COL26A1: variants seen among roughly 807,000 people sequenced by gnomAD.
COL26A1 encodes the protein collagen type XXVI alpha 1 chain, also known as collagen alpha-1(XXVI) chain.
In COL26A1, 41 loss-of-function variants were observed where a neutral mutation model predicts 59.3. The ratio of observed to expected loss-of-function variants is 0.69; its 90% CI spans 0.54 to 0.90. COL26A1 has a LOEUF of 0.90. Among genes scored for constraint, COL26A1 ranks in the 40% least tolerant of loss-of-function variants. The pLI, the probability that COL26A1 is intolerant of heterozygous loss-of-function variation, is 0.00. For synonymous variants in COL26A1, 266 were observed against 256.0 expected, an observed-to-expected ratio of 1.04 and a Z score of -0.37; for missense variants, 612 against 602.3, an observed-to-expected ratio of 1.02 and a Z score of -0.17.
chr7:101,454,753 C>T (rs34242776), intron 3 of COL26A1, among the ~76,000 whole-genome samples: 50,339 of 151,994 alleles, frequency 0.33, 9,024 homozygotes, highest in Middle Eastern at 0.41. Flanking sequence ...GCATGAGTTA[C>T]AGTGCTGTTG....
chr7:101,366,578 G>A (rs566322671), intron 1 of COL26A1, among the ~76,000 whole-genome samples: 1 of 136,716 alleles, frequency 7.3e-6, no homozygotes, highest in Non-Finnish European at 1.5e-5. Flanking sequence ...ATAGCTCACT[G>A]CAGCCTCGAC....
intron 1 of COL26A1, among the ~76,000 whole-genome samples, chr7:101,387,766 A>ATTTTTTTTT (rs1443633156): frequency 3.4e-4 from 13 of 38,762 alleles, no homozygotes; most frequent in East Asian, 2.0e-3. Flanking sequence ...ATATATATAT[A>ATTTTTTTTT]TATATATATA....
intron 5 of COL26A1, among the ~76,000 whole-genome samples, chr7:101,541,609 C>G (rs1795619566): frequency 6.6e-6 from 1 of 152,074 alleles, no homozygotes; most frequent in Non-Finnish European, 1.5e-5. Flanking sequence ...CCTCGGCTTC[C>G]CAAAGTGCTG....
chr7:101,470,092 T>C (rs1405638499), intron 3 of COL26A1, among the ~76,000 whole-genome samples: 2 of 151,280 alleles, frequency 1.3e-5, no homozygotes. Context: ...GAGAAATGGA[T>C]TGCCTTTTTT....
chr7:101,407,992 T>C (rs1236839940), intron 1 of COL26A1, among the ~76,000 whole-genome samples: 1 of 152,150 alleles, frequency 6.6e-6, no homozygotes. Context: ...GCCTGTGGGG[T>C]AGCCCTACTC....
chr7:101,514,600 T>C (rs1794990588), intron 3 of COL26A1, among the ~76,000 whole-genome samples: 2 of 152,126 alleles, frequency 1.3e-5, no homozygotes, highest in Non-Finnish European at 2.9e-5. Flanking sequence ...CAGTGCTGTT[T>C]GGGTCTTACC....
At chr7:101,433,908 C>T (rs1792839103) in intron 2 of COL26A1, among the ~76,000 whole-genome samples, 2 of 151,936 alleles carry the variant, frequency 1.3e-5, no homozygotes, top group Admixed American at 6.6e-5. Context: ...ACTACATGGA[C>T]CAGCACATTG....
At position 101,557,500 on chromosome 7, in the gene COL26A1, G is replaced by A; in HGVS notation, c.1296G>A (p.Lys432=). The A allele has an allele frequency of 6.2e-7, 1 of 1,613,134 alleles. No homozygotes were observed. The highest frequency in any genetic ancestry group is 8.5e-7 in the Non-Finnish European group (1 of 1,179,394). ...AALLGPDPGQ[K]SVDQASSRK is the part of the protein sequence containing the mutation. ...TGCTTGGGCCCGACCCTGGACAGAA[G>A]AGCGTGGACCAGGCCAGCAGCAGGA... is the stretch of plus-strand genomic sequence containing the variant. Residue 432 remains lysine (K), a synonymous_variant, in exon 13 of 13, where the codon AAG becomes AAA. Transcript: ENST00000313669.
chr7:101,463,695 TTTTCTCTC>T (rs1793674884), intron 3 of COL26A1, among the ~76,000 whole-genome samples: 1 of 82,642 alleles, frequency 1.2e-5, no homozygotes, highest in African/African-American at 5.3e-5. Flanking sequence ...CTTTCTTTCT[TTTTCTCTC>T]TCTTTCTTTC....
At chr7:101,476,891 T>C (rs1470248067) in intron 3 of COL26A1, among the ~76,000 whole-genome samples, 1 of 150,560 alleles carries the variant, frequency 6.6e-6, no homozygotes, top group Non-Finnish European at 1.5e-5. Context: ...TTGCCCAGGC[T>C]GAAGTGCACT....
intron 3 of COL26A1, among the ~76,000 whole-genome samples, chr7:101,470,895 G>C (rs960977727): frequency 4.6e-5 from 7 of 152,036 alleles, no homozygotes; most frequent in Admixed American, 4.6e-4. Context: ...TCACCCTGAA[G>C]CTGTCTAGGG....
intron 3 of COL26A1, among the ~76,000 whole-genome samples, chr7:101,510,399 C>T (rs1277244011): frequency 1.3e-5 from 2 of 152,148 alleles, no homozygotes; most frequent in Admixed American, 6.5e-5. Context: ...ATTCCGTTCA[C>T]TGTGATAAAA....
intron 3 of COL26A1, among the ~76,000 whole-genome samples, chr7:101,497,359 C>T (rs1165906436): frequency 2.0e-4 from 31 of 152,142 alleles, no homozygotes; most frequent in Admixed American, 2.0e-3. Context: ...GAAACCCAGG[C>T]GCTGGGCTGA....
Position 101,545,483 on chromosome 7 carries a change from C to A in COL26A1, c.849C>A (p.Asp283Glu), listed in dbSNP as rs1795717104. 1.2e-6 allele frequency: 2 copies of A among 1,605,044 alleles called. No homozygotes were observed. Among genetic ancestry groups the A allele is most frequent in the African/African-American group, 1.3e-5 (1 of 74,328 alleles). Residue 283 changes from aspartate (D) to glutamate (E), a missense_variant, in exon 7 of 13, where the codon GAC becomes GAA. Coordinates refer to ENST00000313669, the MANE Select transcript of COL26A1 (RefSeq NM_001278563.3). The stretch of plus-strand genomic sequence containing the variant: ...TCTACTCCCTGCAGCCGCCTACAGA[C>A]AAAGACAGTGAGTAATGCCCCTGGG... ...GALYSLQPPT[D>E]KDNGDSRLAS... is the part of the protein sequence containing the mutation.
chr7:101,399,713 C>A (rs1791945771), intron 1 of COL26A1, among the ~76,000 whole-genome samples: 1 of 152,214 alleles, frequency 6.6e-6, no homozygotes. Flanking sequence ...CCTGCCTCAA[C>A]CTCTCAGAGT....
intron 1 of COL26A1, among the ~76,000 whole-genome samples, chr7:101,392,275 C>T (rs1791748980): frequency 6.6e-6 from 1 of 152,082 alleles, no homozygotes; most frequent in Admixed American, 6.6e-5. Context: ...TGAGTCTGGC[C>T]TGTTGGGGCA....
At chr7:101,384,967 G>C (rs910578220) in intron 1 of COL26A1, among the ~76,000 whole-genome samples, 2 of 152,072 alleles carry the variant, frequency 1.3e-5, no homozygotes, top group Non-Finnish European at 2.9e-5. Flanking sequence ...TGATATTTGA[G>C]GGCAGGAAGC....
intron 1 of COL26A1, among the ~76,000 whole-genome samples, chr7:101,412,493 A>G (rs1238760360): frequency 6.6e-6 from 1 of 151,956 alleles, no homozygotes; most frequent in Non-Finnish European, 1.5e-5. Flanking sequence ...AAAAGTATAA[A>G]AATTAGCCAG....
intron 2 of COL26A1, among the ~76,000 whole-genome samples, chr7:101,427,978 G>C (rs554977807): frequency 6.6e-6 from 1 of 152,110 alleles, no homozygotes; most frequent in Non-Finnish European, 1.5e-5. Context: ...CTCTTCCTAC[G>C]ACACATTTCT....
Sources: allele counts gnomAD v4.1 joint callset (sites outside exome capture counted in the v4.1 genomes callset), GRCh38; gene constraint gnomAD v4.1.1; transcripts MANE v1.5; gene names NCBI Gene and HGNC (gene_info 2026-07-23, HGNC 2026-07-21).